SEC24D: variants seen among roughly 807,000 people sequenced by gnomAD.
The protein encoded by SEC24D is protein transport protein Sec24D.
Under a neutral mutation model 116.9 loss-of-function variants are expected in SEC24D, and 69 were observed. That is an observed-to-expected ratio of 0.59 (90% CI 0.49 to 0.72). SEC24D has a LOEUF of 0.72. SEC24D is among the 30% of genes least tolerant of loss of function. The pLI is 0.00. For synonymous variants in SEC24D, 405 were observed against 442.8 expected, an observed-to-expected ratio of 0.91 and a Z score of 1.07; for missense variants, 1,131 against 1,264.1, an observed-to-expected ratio of 0.89 and a Z score of 1.60.
intron 14 of SEC24D, 25 bp downstream of exon 14, chr4:118,744,919 G>T (rs750391289): frequency 6.2e-5 from 77 of 1,246,382 alleles, no homozygotes; most frequent in Non-Finnish European, 8.9e-5. Flanking sequence ...ATTGACATAT[G>T]GATACTCAAA....
At chr4:118,816,054 T>C (rs1730132203) in intron 4 of SEC24D, among the ~76,000 whole-genome samples, 1 of 150,574 alleles carries the variant, frequency 6.6e-6, no homozygotes, top group African/African-American at 2.4e-5. Context: ...CCCAAGTAAC[T>C]GAGACTACAG....
intron 8 of SEC24D, among the ~76,000 whole-genome samples, chr4:118,795,717 A>G (rs1729150805): frequency 6.6e-6 from 1 of 152,200 alleles, no homozygotes; most frequent in African/African-American, 2.4e-5. Context: ...AAACAAATCT[A>G]TCACAGAAAA....
intron 8 of SEC24D, among the ~76,000 whole-genome samples, chr4:118,782,203 T>G (rs1034402248): frequency 6.6e-6 from 1 of 152,252 alleles, no homozygotes; most frequent in Non-Finnish European, 1.5e-5. Context: ...CTGCTCTGGT[T>G]TCTCCCCATC....
chr4:118,815,401 G>T, intron 5 of SEC24D, 50 bp downstream of exon 5: 1 of 1,588,658 alleles, frequency 6.3e-7, no homozygotes, highest in South Asian at 1.1e-5. Flanking sequence ...TTTCAGTTAA[G>T]GGTTCCCCTG....
At chr4:118,725,335 G>C (rs1174994260) in intron 22 of SEC24D, among the ~76,000 whole-genome samples, 1 of 152,122 alleles carries the variant, frequency 6.6e-6, no homozygotes, top group Non-Finnish European at 1.5e-5. Flanking sequence ...AGAAGTTTAA[G>C]ATTTGCCTCC....
intron 10 of SEC24D, among the ~76,000 whole-genome samples, chr4:118,764,114 T>C (rs566711561): frequency 2.6e-5 from 4 of 152,146 alleles, no homozygotes; most frequent in Non-Finnish European, 4.4e-5. Context: ...GTTCAGAGTA[T>C]GTGGTGAAAA....
intron 15 of SEC24D, among the ~76,000 whole-genome samples, chr4:118,741,273 GA>G (rs1486619220): frequency 1.3e-5 from 2 of 152,108 alleles, no homozygotes; most frequent in African/African-American, 4.8e-5. Context: ...ACTTGGATGA[GA>G]AAATCGGTTA....
At chr4:118,728,191 A>G (rs1725502541) in intron 22 of SEC24D, among the ~76,000 whole-genome samples, 1 of 152,258 alleles carries the variant, frequency 6.6e-6, no homozygotes, top group South Asian at 2.1e-4. Context: ...TTATAAATTA[A>G]ACATTGTAAT....
chr4:118,746,741 G>C (rs1287513818), intron 13 of SEC24D, among the ~76,000 whole-genome samples: 2 of 152,042 alleles, frequency 1.3e-5, no homozygotes, highest in Non-Finnish European at 2.9e-5. Flanking sequence ...AGTGTGCCTG[G>C]CTCATTTGCA....
At chr4:118,788,490 G>C (rs757052552) in intron 8 of SEC24D, among the ~76,000 whole-genome samples, 1 of 152,074 alleles carries the variant, frequency 6.6e-6, no homozygotes, top group Non-Finnish European at 1.5e-5. Flanking sequence ...AAAATATCTT[G>C]GTCCAAAATT....
chr4:118,815,547 G>T lies in SEC24D; in HGVS notation c.577C>A (p.Pro193Thr), dbSNP rs148096300. The T allele has an allele frequency of 3.4e-5, 55 of 1,614,068 alleles. No homozygotes were observed. Among genetic ancestry groups the T allele is most frequent in the Middle Eastern group, 1.6e-4 (1 of 6,084 alleles). Residue 193 changes from proline to threonine, a missense_variant, in exon 5 of 23, where the codon CCA (proline) becomes ACA (threonine). Transcript: ENST00000280551. ...ASPLPLPMYR[P>T]DGLSGPPPPN... ...GGAGGAGGCCCAGAGAGCCCATCTG[G>T]TCTGTACATTGGTAGAGGCAAAGGT...
rs1726065480 is a variant in SEC24D at position 118,738,299 on chromosome 4, A to G, written c.2458T>C (p.Tyr820His). 1 of 1,613,680 alleles carries G rather than the reference A, an allele frequency of 6.2e-7. No homozygotes were observed. Among genetic ancestry groups the G allele is most frequent in the African/African-American group, 1.3e-5 (1 of 75,048 alleles). ...VNQTAHMLAC[Y>H]RKNCASPSAA... is the part of the protein sequence containing the mutation. ...GAAGGACTTGCACAATTCTTCCGGT[A>G]ACATGCCAACATATGGGCAGTCTGA... The change falls in exon 19 of 23, where the codon TAC becomes CAC. Residue 820 changes from tyrosine to histidine, a missense_variant. By Grantham distance (83) the Tyr-to-His change is moderately conservative. Transcript: ENST00000280551.
At position 118,731,471 on chromosome 4, in the gene SEC24D, C is replaced by T. The variant is rs1725681938; in HGVS notation, c.2713G>A (p.Ala905Thr). Residue 905 changes from alanine (A) to threonine (T), a missense_variant, in exon 21 of 23, where the codon GCC becomes ACC. By Grantham distance (58) the Ala-to-Thr change is moderately conservative. Transcript: ENST00000280551. Reference protein sequence around the residue: ...LDVKSTMLPAAVRCSESRLSE... With the variant: ...LDVKSTMLPATVRCSESRLSE... ...AGACGGGACTCAGAGCAACGAACGG[C>T]AGCAGGTAACATTGTACTCTTGACA... The T allele has an allele frequency of 6.2e-7, 1 of 1,614,124 alleles. No homozygotes were observed. Among genetic ancestry groups the T allele is most frequent in the South Asian group, 1.1e-5 (1 of 91,086 alleles).
intron 10 of SEC24D, among the ~76,000 whole-genome samples, chr4:118,758,968 A>G (rs1381773808): frequency 6.6e-6 from 1 of 152,218 alleles, no homozygotes; most frequent in South Asian, 2.1e-4. Context: ...TTCACAGCAT[A>G]GACTTGTGCT....
intron 8 of SEC24D, among the ~76,000 whole-genome samples, chr4:118,787,136 T>C (rs1728690882): frequency 6.6e-6 from 1 of 152,210 alleles, no homozygotes. Flanking sequence ...TAGTACTTTT[T>C]CATAGCACTA....
Position 118,773,141 on chromosome 4 carries a change from CT to C in SEC24D, c.1042-4831del, listed in dbSNP as rs374793038. ...TTTCAATGTATACTTCTTCCTCCCCCTTTTTTTTCTCTCTTTATTTCCTTCA... is the reference window on the plus strand; with the variant it reads ...TTTCAATGTATACTTCTTCCTCCCCCTTTTTTTCTCTCTTTATTTCCTTCA... On this transcript the variant is annotated intron_variant, in intron 8 of 22. Coordinates refer to ENST00000280551, the MANE Select transcript of SEC24D (RefSeq NM_014822.4). Among the ~76,000 whole-genome samples the C allele has an allele frequency of 2.5e-4, 38 of 152,088 alleles. 1 individual carries two copies. In the South Asian group the frequency reaches 4.6e-3, roughly 18 times the overall value.
chr4:118,821,916 C>G (rs530715859), intron 3 of SEC24D, among the ~76,000 whole-genome samples: 412 of 152,324 alleles, frequency 2.7e-3, no homozygotes, highest in Middle Eastern at 6.8e-3. Flanking sequence ...CAATTCTAAC[C>G]TTCAATCCAG....
rs543113648 is a variant in SEC24D at position 118,800,648 on chromosome 4, G to C, written c.914-2838C>G. On this transcript the variant is annotated intron_variant, in intron 7 of 22. Transcript: ENST00000280551. ...GGGAAGACACAGTACTAACAACAAG[G>C]GTGATAATAATAACAGCAGCCAATG... Among the ~76,000 whole-genome samples the C allele has an allele frequency of 6.1e-4, 93 of 152,154 alleles. 1 individual carries two copies. The highest frequency in any genetic ancestry group is 2.2e-3 in the African/African-American group (91 of 41,510).
chr4:118,835,252 T>G (rs114938162), intron 1 of SEC24D, among the ~76,000 whole-genome samples: 6,652 of 152,204 alleles, frequency 0.044, 201 homozygotes, highest in Non-Finnish European at 0.064. Flanking sequence ...AAGCAGCCAG[T>G]TCCCTCTGAA....
Sources: allele counts gnomAD v4.1 joint callset (sites outside exome capture counted in the v4.1 genomes callset), GRCh38; gene constraint gnomAD v4.1.1; transcripts MANE v1.5; gene names NCBI Gene and HGNC (gene_info 2026-07-23, HGNC 2026-07-21).